Variants in SGCD observed in about 807,000 individuals in gnomAD.
SGCD encodes sarcoglycan delta, also known as delta-sarcoglycan.
Under a neutral mutation model 36.6 loss-of-function variants are expected in SGCD, and 18 were observed. That is an observed-to-expected ratio of 0.49 (90% CI 0.34 to 0.73). The LOEUF is 0.73. Among genes scored for constraint, SGCD ranks in the 30% least tolerant of loss-of-function variants. The probability of loss-of-function intolerance (pLI) is 0.01; values close to 1 mark genes in which losing one functional copy is unlikely to be tolerated. For missense variants in SGCD, 387 were observed against 346.7 expected (o/e 1.12, Z -0.92); for synonymous variants, 133 against 130.6 (o/e 1.02, Z -0.12).
intron 3 of SGCD, among the ~76,000 whole-genome samples, chr5:156,403,022 G>A (rs1249564947): frequency 6.6e-6 from 1 of 152,164 alleles, no homozygotes; most frequent in East Asian, 1.9e-4. Context: ...CAGAAGTTAG[G>A]TATTATTCCT....
chr5:156,657,201 A>G (rs2113617251), intron 7 of SGCD, among the ~76,000 whole-genome samples: 1 of 151,724 alleles, frequency 6.6e-6, no homozygotes, highest in Non-Finnish European at 1.5e-5. Context: ...GTACCAAAAT[A>G]TTGGATAAAT....
chr5:156,185,843 A>ATGTGTGTG (rs1465310637), intron 3 of SGCD, among the ~76,000 whole-genome samples: 9 of 33,620 alleles, frequency 2.7e-4, no homozygotes, highest in East Asian at 5.4e-4. Flanking sequence ...GTATATATAT[A>ATGTGTGTG]TATATATAGA....
intron 4 of SGCD, among the ~76,000 whole-genome samples, chr5:156,546,451 A>G (rs571897272): frequency 2.0e-5 from 3 of 152,354 alleles, no homozygotes; most frequent in East Asian, 1.9e-4. Flanking sequence ...TTGAACACCA[A>G]TGAACTACTA....
intron 1 of SGCD, among the ~76,000 whole-genome samples, chr5:155,989,452 T>G (rs1163024597): frequency 6.6e-6 from 1 of 152,164 alleles, no homozygotes; most frequent in Non-Finnish European, 1.5e-5. Flanking sequence ...TTTGGGCCAT[T>G]GTTTGCCAAT....
At chr5:156,734,894 T>C (rs1756269108) in intron 7 of SGCD, among the ~76,000 whole-genome samples, 1 of 152,220 alleles carries the variant, frequency 6.6e-6, no homozygotes, top group African/African-American at 2.4e-5. Flanking sequence ...GGTGAGGTAG[T>C]ATGGTCATTT....
the SGCD span, among the ~76,000 whole-genome samples, chr5:155,829,615 C>T: frequency 1.3e-5 from 2 of 152,190 alleles, no homozygotes; most frequent in Non-Finnish European, 2.9e-5. Flanking sequence ...AAATGCAAGA[C>T]AACTGGTTTT....
chr5:156,016,970 C>A (rs1212342486), intron 1 of SGCD, among the ~76,000 whole-genome samples: 2 of 152,152 alleles, frequency 1.3e-5, no homozygotes, highest in Non-Finnish European at 2.9e-5. Flanking sequence ...GTTTGTTACT[C>A]ATGTGCATAT....
intron 3 of SGCD, among the ~76,000 whole-genome samples, chr5:156,177,164 G>C (rs1353219695): frequency 6.6e-6 from 1 of 151,976 alleles, no homozygotes; most frequent in African/African-American, 2.4e-5. Context: ...ACCATGCCCA[G>C]CTAATTTTTG....
intron 3 of SGCD, among the ~76,000 whole-genome samples, chr5:156,182,626 T>C (rs1763636234): frequency 6.6e-6 from 1 of 152,046 alleles, no homozygotes; most frequent in South Asian, 2.1e-4. Flanking sequence ...AGCTAGGGAA[T>C]CCTGAAACTC....
chr5:156,636,727 G>A (rs1762838459), intron 6 of SGCD, among the ~76,000 whole-genome samples: 1 of 152,166 alleles, frequency 6.6e-6, no homozygotes, highest in Admixed American at 6.5e-5. Context: ...TCAGTGAAAG[G>A]TACCTCAGTA....
At chr5:155,756,236 G>A in the SGCD span, among the ~76,000 whole-genome samples, 276 of 152,290 alleles carry the variant, frequency 1.8e-3, no homozygotes, top group Admixed American at 3.1e-3. Context: ...AAGGTCAGTG[G>A]GTTAAGGAAC....
At chr5:156,495,366 G>A (rs1242266963) in intron 3 of SGCD, among the ~76,000 whole-genome samples, 1 of 152,110 alleles carries the variant, frequency 6.6e-6, no homozygotes, top group Non-Finnish European at 1.5e-5. Context: ...CCAGGTGTAC[G>A]CATACTAGCT....
intron 3 of SGCD, among the ~76,000 whole-genome samples, chr5:156,484,642 T>G (rs2127842738): frequency 6.6e-6 from 1 of 152,324 alleles, no homozygotes; most frequent in African/African-American, 2.4e-5. Flanking sequence ...GGCTTTTTTG[T>G]ATTCCTGTAC....
At chr5:156,590,034 G>C (rs1191429044) in intron 5 of SGCD, among the ~76,000 whole-genome samples, 1 of 152,110 alleles carries the variant, frequency 6.6e-6, no homozygotes, top group Non-Finnish European at 1.5e-5. Flanking sequence ...AGTGAACAGG[G>C]AGGCATTATG....
intron 4 of SGCD, among the ~76,000 whole-genome samples, chr5:156,564,875 CAT>C (rs967161144): frequency 6.6e-6 from 1 of 152,162 alleles, no homozygotes; most frequent in Non-Finnish European, 1.5e-5. Context: ...ATATACACCA[CAT>C]GTTGTTTATC....
At chr5:156,730,848 T>G (rs1027204044) in intron 7 of SGCD, among the ~76,000 whole-genome samples, 10 of 152,182 alleles carry the variant, frequency 6.6e-5, no homozygotes, top group Non-Finnish European at 1.3e-4. Flanking sequence ...CTAAACTTAT[T>G]TACACTCCCA....
At position 156,352,471 on chromosome 5, in the gene SGCD, C is replaced by G. The variant is rs536816714; in HGVS notation, c.192+7794C>G. Reference sequence around the variant, plus strand: ...TCAGTAGGCTTTCAACATGTGTTAACTGTAGATTGCCTTTTGCAGACCACA... The same window carrying G: ...TCAGTAGGCTTTCAACATGTGTTAAGTGTAGATTGCCTTTTGCAGACCACA... On this transcript the variant is annotated intron_variant, in intron 3 of 8. Transcript: ENST00000337851. Among the ~76,000 whole-genome samples the G allele has an allele frequency of 7.4e-4, 112 of 152,326 alleles. 1 individual carries two copies. The highest frequency in any genetic ancestry group is 2.6e-3 in the African/African-American group (108 of 41,580).
chr5:155,769,306 A>G, the SGCD span, among the ~76,000 whole-genome samples: 1 of 151,902 alleles, frequency 6.6e-6, no homozygotes, highest in East Asian at 1.9e-4. Flanking sequence ...TTGAAAGGAA[A>G]TTTCACATTC....
chr5:155,813,748 G>T, the SGCD span, among the ~76,000 whole-genome samples: 1 of 152,082 alleles, frequency 6.6e-6, no homozygotes, highest in African/African-American at 2.4e-5. Context: ...TTATAGAGGG[G>T]TCCATTTGTC....
Sources: allele counts gnomAD v4.1 joint callset (sites outside exome capture counted in the v4.1 genomes callset), GRCh38; gene constraint gnomAD v4.1.1; transcripts MANE v1.5; gene names NCBI Gene and HGNC (gene_info 2026-07-23, HGNC 2026-07-21).